The following DYNC1H1 variants were observed in gnomAD, a reference collection of about 807,000 sequenced individuals.
DYNC1H1 encodes cytoplasmic dynein 1 heavy chain 1.
Under a neutral mutation model 527.1 loss-of-function variants are expected in DYNC1H1, and 51 were observed. The ratio of observed to expected loss-of-function variants is 0.10; its 90% CI spans 0.08 to 0.12. The LOEUF (loss-of-function observed/expected upper bound fraction) is 0.12. Among genes scored for constraint, DYNC1H1 ranks in the 10% least tolerant of loss-of-function variants. The pLI is 1.00. For synonymous variants in DYNC1H1, 2,189 were observed against 2,278.8 expected, an observed-to-expected ratio of 0.96 and a Z score of 1.12; for missense variants, 2,771 against 5,971.8, an observed-to-expected ratio of 0.46 and a Z score of 17.66.
At position 102,042,123 on chromosome 14, in the gene DYNC1H1, C is replaced by T. The variant is rs746950373; in HGVS notation, c.12213C>T (p.Ile4071=). 1.4e-5 allele frequency: 22 copies of T among 1,613,940 alleles called. No homozygotes were observed. The highest frequency in any genetic ancestry group is 8.9e-5 in the East Asian group (4 of 44,866). ...EQNTQITSIA[I]GSAEGFNQAD... Reference sequence around the variant, plus strand: ...ACACGCAGATCACTTCAATTGCAATCGGTAAGGATGCTTGAGGGGCTTCAT... The same window carrying T: ...ACACGCAGATCACTTCAATTGCAATTGGTAAGGATGCTTGAGGGGCTTCAT... Residue 4071 remains isoleucine (I), a splice_region_variant and synonymous_variant, in exon 66 of 78, where the codon ATC becomes ATT. Transcript: ENST00000360184. The surrounding 1 kb of genome is among the most constrained non-coding windows in gnomAD (Gnocchi z 5.7).
In DYNC1H1 at chr14:101,991,480, T is replaced by C. The variant is rs2720205; in HGVS notation, c.2869-47T>C. The stretch of plus-strand genomic sequence containing the variant: ...AACTCTGTCTTAAAAAAATTTTTTT[T>C]ATTGAAAAATAGATTGCTGAGTAGA... On this transcript the variant is annotated intron_variant, in intron 10 of 77. Coordinates refer to ENST00000360184, the MANE Select transcript of DYNC1H1 (RefSeq NM_001376.5). The C allele has an allele frequency of 5.3e-3, 8,546 of 1,612,458 alleles. 178 individuals are homozygous for C. Among genetic ancestry groups the C allele is most frequent in the Admixed American group, 0.045 (2,667 of 59,924 alleles).
chr14:102,040,971 C>T (rs547802315), intron 64 of DYNC1H1: 73 of 489,508 alleles, frequency 1.5e-4, no homozygotes, highest in African/African-American at 1.4e-3. Flanking sequence ...TGAATGGTCA[C>T]TGATTCCCAA....
chr14:101,986,626 A>G lies in DYNC1H1; in HGVS notation c.2401A>G (p.Ile801Val). Residue 801 changes from isoleucine (I) to valine (V), a missense_variant, in exon 8 of 78, where the codon ATT becomes GTT. By Grantham distance (29) the Ile-to-Val change is conservative. Transcript: ENST00000360184. The surrounding 1 kb of genome is among the most constrained non-coding windows in gnomAD (Gnocchi z 8.7). Reference protein sequence around the residue: ...TCEKVEERNTISLLVAGLKKE... With the variant: ...TCEKVEERNTVSLLVAGLKKE... ...CGAGAAGGTGGAGGAGCGGAACACC[A>G]TTTCCCTTTTGGTGGCTGGCTTGAA... 4 of 1,612,990 alleles carry G rather than the reference A, an allele frequency of 2.5e-6. No homozygotes were observed. The highest frequency in any genetic ancestry group is 3.4e-6 in the Non-Finnish European group (4 of 1,179,068).
Position 102,001,800 on chromosome 14 carries a change from C to A in DYNC1H1, c.4542+119C>A. The stretch of plus-strand genomic sequence containing the variant: ...TTTATTGTATTTTTTGAGACAGGGT[C>A]TCACTCTGTCTCCCACGCTGGAGTG... On this transcript the variant is annotated intron_variant, in intron 21 of 77. Coordinates refer to ENST00000360184, the MANE Select transcript of DYNC1H1 (RefSeq NM_001376.5). The surrounding 1 kb of genome is among the most constrained non-coding windows in gnomAD (Gnocchi z 5.0). 7.4e-7 allele frequency: 1 copy of A among 1,348,716 alleles called. No individual in the cohort carries two copies. The highest frequency in any genetic ancestry group is 1.3e-5 in the South Asian group (1 of 79,686). 83.5% of individuals were successfully genotyped at this position (1,348,716 alleles called of 1,614,324 possible).
intron 5 of DYNC1H1, 93 bp from the exon 6 acceptor site, chr14:101,982,926 A>G (rs1303459634): frequency 3.4e-6 from 5 of 1,455,320 alleles, no homozygotes; most frequent in Middle Eastern, 1.8e-4. Context: ...GATATTTTGC[A>G]ACATCAAAAT....
At chr14:101,989,282 T>G (rs1373357091) in intron 10 of DYNC1H1, among the ~76,000 whole-genome samples, 2 of 152,248 alleles carry the variant, frequency 1.3e-5, no homozygotes, top group African/African-American at 4.8e-5. Flanking sequence ...CTGCATGTAA[T>G]CCACCAGAAG....
intron 43 of DYNC1H1, chr14:102,023,273 G>C: frequency 2.9e-6 from 1 of 350,354 alleles, no homozygotes; most frequent in Admixed American, 4.0e-5. Flanking sequence ...AATATCAGCC[G>C]GGCGCGGTGG....
chr14:102,003,806 A>G (rs2048160794), intron 23 of DYNC1H1, among the ~76,000 whole-genome samples: 1 of 151,936 alleles, frequency 6.6e-6, no homozygotes, highest in African/African-American at 2.4e-5. Context: ...GCTGCCTATA[A>G]TCCCAGGTAC....
chr14:101,997,490 G>A lies in DYNC1H1; in HGVS notation c.3804+216G>A, dbSNP rs1267307973. On this transcript the variant is annotated intron_variant, in intron 16 of 77. Transcript: ENST00000360184. The surrounding 1 kb of genome is among the most constrained non-coding windows in gnomAD (Gnocchi z 4.8). ...TACTCAGAATGGCATTCAGTAGCTG[G>A]TTTTAAGGATTAAAGTTTTTCTGTT... Among the ~76,000 whole-genome samples, 1 of 152,226 alleles carries A rather than the reference G, an allele frequency of 6.6e-6. No homozygotes were observed. The highest frequency in any genetic ancestry group is 1.5e-5 in the Non-Finnish European group (1 of 68,044).
chr14:102,032,426 C>T lies in DYNC1H1; in HGVS notation c.10038C>T (p.Asn3346=). 2.5e-6 allele frequency: 4 copies of T among 1,614,228 alleles called. No individual in the cohort carries two copies. The highest frequency in any genetic ancestry group is 3.4e-6 in the Non-Finnish European group (4 of 1,180,040). ...TCCGCTCCATCATCATGCGGGAGAA[C>T]TTCATCCCCACCATCGTCAACTTCT... is the stretch of plus-strand genomic sequence containing the variant. ...KQIRSIIMRE[N]FIPTIVNFSA... The change falls in exon 52 of 78, where the codon AAC becomes AAT. Residue 3346 remains asparagine, a synonymous_variant. Coordinates refer to ENST00000360184, the MANE Select transcript of DYNC1H1 (RefSeq NM_001376.5).
chr14:101,980,006 T>C (rs1433549255), intron 4 of DYNC1H1, 32 bp downstream of exon 4: 1 of 1,613,914 alleles, frequency 6.2e-7, no homozygotes, highest in Admixed American at 1.7e-5. Context: ...TTATGTAAAA[T>C]ATGTTACTCT....
Position 102,015,134 on chromosome 14 carries a change from G to T in DYNC1H1, c.7044G>T (p.Leu2348Phe). ...NVRIMFEVQD[L>F]KYATLATVSR... Reference sequence around the variant, plus strand: ...GAATAATGTTTGAGGTACAGGACTTGAAATACGCGACCTTGGCCACAGTGT... The same window carrying T: ...GAATAATGTTTGAGGTACAGGACTTTAAATACGCGACCTTGGCCACAGTGT... Residue 2348 changes from leucine (L) to phenylalanine (F), a missense_variant, in exon 35 of 78, where the codon TTG becomes TTT. By Grantham distance (22) the Leu-to-Phe change is conservative (BLOSUM62 0). Coordinates refer to ENST00000360184, the MANE Select transcript of DYNC1H1 (RefSeq NM_001376.5). This position sits in a 1 kb window ranked among gnomAD's most constrained non-coding sequence, Gnocchi z 6.9. The T allele has an allele frequency of 6.2e-7, 1 of 1,614,230 alleles. No individual in the cohort carries two copies. The highest frequency in any genetic ancestry group is 1.1e-5 in the South Asian group (1 of 91,078).
chr14:102,045,100 C>T, intron 72 of DYNC1H1: 1 of 255,670 alleles, frequency 3.9e-6, no homozygotes. Context: ...GTTAGGATTT[C>T]CAGACCAGCC....
At chr14:102,008,374 G>A in intron 29 of DYNC1H1, 37 bp downstream of exon 29, 2 of 1,611,708 alleles carry the variant, frequency 1.2e-6, no homozygotes, top group African/African-American at 1.3e-5. Flanking sequence ...CTTAGAGAAT[G>A]TAGAGGGAAA....
chr14:102,014,831 T>G (rs2048301657), intron 34 of DYNC1H1, among the ~76,000 whole-genome samples: 1 of 152,044 alleles, frequency 6.6e-6, no homozygotes, highest in Non-Finnish European at 1.5e-5. Context: ...AGAAAAAATT[T>G]TTTTGAGACA....
chr14:102,007,751 GT>G (rs1249003878), intron 28 of DYNC1H1, among the ~76,000 whole-genome samples: 1 of 152,200 alleles, frequency 6.6e-6, no homozygotes, highest in African/African-American at 2.4e-5. Context: ...AGGTGGTATG[GT>G]AGTCTGCTCA....
Position 102,020,179 on chromosome 14 carries a change from G to T in DYNC1H1, c.8507+123G>T. 7.3e-7 allele frequency: 1 copy of T among 1,373,808 alleles called. No homozygotes were observed. 85.1% of individuals were successfully genotyped at this position (1,373,808 alleles called of 1,614,324 possible). On this transcript the variant is annotated intron_variant, in intron 42 of 77. Coordinates refer to ENST00000360184, the MANE Select transcript of DYNC1H1 (RefSeq NM_001376.5). The surrounding 1 kb of genome is among the most constrained non-coding windows in gnomAD (Gnocchi z 4.3). ...TTAGAGCCAGGTGGTGCCAGTGGTG[G>T]AAGGAGCAGAGTCAGCCAGGGCAGC...
chr14:102,046,964 T>A (rs967200319), intron 72 of DYNC1H1, among the ~76,000 whole-genome samples: 1 of 152,042 alleles, frequency 6.6e-6, no homozygotes, highest in Non-Finnish European at 1.5e-5. Flanking sequence ...CACCTGCCTT[T>A]CTAATTTTTT....
rs1203140150 is a variant in DYNC1H1 at position 101,986,172 on chromosome 14, C to G, written c.1947C>G (p.Ile649Met). Residue 649 changes from isoleucine to methionine, a missense_variant, in exon 8 of 78, where the codon ATC (isoleucine) becomes ATG (methionine). Coordinates refer to ENST00000360184, the MANE Select transcript of DYNC1H1 (RefSeq NM_001376.5). The surrounding 1 kb of genome is among the most constrained non-coding windows in gnomAD (Gnocchi z 8.7). ...TGCCCCCTGTGTCAGGGTCTATCAT[C>G]TGGGCTAAACAGATCGACAGGCAGC... ...RDLPPVSGSI[I>M]WAKQIDRQLT... The G allele has an allele frequency of 1.9e-6, 3 of 1,614,184 alleles. No individual in the cohort carries two copies. Among genetic ancestry groups the G allele is most frequent in the South Asian group, 1.1e-5 (1 of 91,082 alleles).
Sources: allele counts gnomAD v4.1 joint callset (sites outside exome capture counted in the v4.1 genomes callset), GRCh38; gene constraint gnomAD v4.1.1; non-coding constraint Gnocchi (gnomAD v3.1); transcripts MANE v1.5; gene names NCBI Gene and HGNC (gene_info 2026-07-23, HGNC 2026-07-21).